PBRM1: variants seen among roughly 807,000 people sequenced by gnomAD.
PBRM1 encodes protein polybromo-1.
In PBRM1, 27 loss-of-function variants were observed where a neutral mutation model predicts 194.5. That is an observed-to-expected ratio of 0.14 (90% CI 0.10 to 0.19). The LOEUF (loss-of-function observed/expected upper bound fraction) is 0.19, where lower values mean the gene tolerates loss of function less well. Ranked by LOEUF, PBRM1 falls within the 10% of genes least tolerant of loss-of-function variation. The pLI is 1.00. For synonymous variants in PBRM1, 655 were observed against 693.2 expected (o/e 0.94, Z 0.87); for missense variants, 1,466 against 2,077.2 (o/e 0.71, Z 5.72).
intron 12 of PBRM1, among the ~76,000 whole-genome samples, chr3:52,628,120 A>C (rs1201313195): frequency 6.6e-6 from 1 of 152,156 alleles, no homozygotes; most frequent in Non-Finnish European, 1.5e-5. Flanking sequence ...GGATCTGATA[A>C]ATTCATAGAC....
At chr3:52,591,289 T>G (rs192513815) in intron 17 of PBRM1, among the ~76,000 whole-genome samples, 1 of 152,146 alleles carries the variant, frequency 6.6e-6, no homozygotes, top group African/African-American at 2.4e-5. Flanking sequence ...CTTCCAGTAC[T>G]ATGTTGAATA....
chr3:52,578,130 T>C (rs545885135), intron 21 of PBRM1, among the ~76,000 whole-genome samples: 3 of 152,278 alleles, frequency 2.0e-5, no homozygotes, highest in South Asian at 4.1e-4. Context: ...TCTTCAAGTG[T>C]TGGTTCAGCT....
chr3:52,580,220 A>G (rs1364971049), intron 20 of PBRM1, among the ~76,000 whole-genome samples: 1 of 152,172 alleles, frequency 6.6e-6, no homozygotes, highest in Non-Finnish European at 1.5e-5. Context: ...AGCCTGGGAA[A>G]CAGAATGAGA....
intron 21 of PBRM1, among the ~76,000 whole-genome samples, chr3:52,577,490 G>C (rs924493946): frequency 6.9e-6 from 1 of 144,356 alleles, no homozygotes; most frequent in African/African-American, 2.6e-5. Flanking sequence ...AGAATTTGAT[G>C]AAAGCCATTA....
At chr3:52,576,406 C>A in intron 22 of PBRM1, 135 bp downstream of exon 24, 1 of 529,186 alleles carries the variant, frequency 1.9e-6, no homozygotes. Flanking sequence ...CAATCTCTGC[C>A]CCAACATAAG....
At chr3:52,657,533 G>C (rs576646944) in intron 5 of PBRM1, among the ~76,000 whole-genome samples, 2 of 150,916 alleles carry the variant, frequency 1.3e-5, no homozygotes, top group Non-Finnish European at 3.0e-5. Flanking sequence ...GCAACGGCAT[G>C]ATGTCAGCTC....
chr3:52,602,893 CGGA>C (rs1392041415), intron 17 of PBRM1, among the ~76,000 whole-genome samples: 3 of 152,050 alleles, frequency 2.0e-5, no homozygotes, highest in Non-Finnish European at 2.9e-5. Context: ...AAAAAATCTA[CGGA>C]GGAGATTTGA....
chr3:52,590,047 C>T (rs1387684878), intron 17 of PBRM1, among the ~76,000 whole-genome samples: 2 of 151,902 alleles, frequency 1.3e-5, no homozygotes, highest in African/African-American at 2.4e-5. Flanking sequence ...AGGCTGGTCT[C>T]GATCTCTCGA....
chr3:52,582,837 C>T (rs2091583111), intron 20 of PBRM1, among the ~76,000 whole-genome samples: 1 of 151,970 alleles, frequency 6.6e-6, no homozygotes, highest in Non-Finnish European at 1.5e-5. Context: ...GTGGCTCACG[C>T]CTGTAATCCC....
At chr3:52,664,840 TTAC>T (rs1220388879) in intron 3 of PBRM1, among the ~76,000 whole-genome samples, 2 of 150,542 alleles carry the variant, frequency 1.3e-5, no homozygotes, top group African/African-American at 2.4e-5. Flanking sequence ...CCAATCAGAG[TTAC>T]TACAAGAACA....
At chr3:52,678,225 C>T (rs1415035632) in intron 2 of PBRM1, among the ~76,000 whole-genome samples, 2 of 152,044 alleles carry the variant, frequency 1.3e-5, no homozygotes, top group Non-Finnish European at 2.9e-5. Flanking sequence ...CCTTAGTCTC[C>T]CATGTAGCTG....
chr3:52,637,873 G>A (rs1019408376), intron 10 of PBRM1, among the ~76,000 whole-genome samples: 2 of 151,132 alleles, frequency 1.3e-5, no homozygotes, highest in African/African-American at 4.9e-5. Context: ...TTGAACCTGG[G>A]AGGCAGAGGT....
intron 15 of PBRM1, among the ~76,000 whole-genome samples, chr3:52,614,373 C>CAA (rs1165930996): frequency 0.35 from 14,510 of 40,916 alleles, 2,993 homozygotes; most frequent in Non-Finnish European, 0.44. Context: ...GATGCTTCAT[C>CAA]AAAAAAAAAA....
chr3:52,623,775 G>T (rs1252917759), intron 13 of PBRM1, among the ~76,000 whole-genome samples: 1 of 152,154 alleles, frequency 6.6e-6, no homozygotes, highest in Non-Finnish European at 1.5e-5. Context: ...GAGCTAATAA[G>T]AACAGCTGGG....
At chr3:52,585,082 TC>T (rs905704824) in intron 20 of PBRM1, among the ~76,000 whole-genome samples, 14 of 152,342 alleles carry the variant, frequency 9.2e-5, no homozygotes, top group Admixed American at 6.5e-4. Flanking sequence ...TAGAATGAAT[TC>T]CCACTTCTTG....
chr3:52,684,501 A>G (rs1488708852), upstream of PBRM1, among the ~76,000 whole-genome samples: 2 of 152,260 alleles, frequency 1.3e-5, no homozygotes, highest in East Asian at 3.8e-4. Context: ...CTCAAAGGAA[A>G]AAAAACACCT....
chr3:52,573,371 G>A (rs1305635257), intron 22 of PBRM1, among the ~76,000 whole-genome samples: 3 of 151,772 alleles, frequency 2.0e-5, no homozygotes. Context: ...TCAGCTCACT[G>A]CAACCTCCAC....
intron 25 of PBRM1, among the ~76,000 whole-genome samples, chr3:52,559,723 G>A (rs2083019613): frequency 1.3e-5 from 2 of 152,038 alleles, no homozygotes; most frequent in Admixed American, 1.3e-4. Context: ...AAGGCCTCTT[G>A]GCTGTGACAG....
At chr3:52,628,958 T>C (rs1438786040) in exon 12 of PBRM1, 43 of 1,613,016 alleles carry the variant, frequency 2.7e-5, no homozygotes, top group Non-Finnish European at 3.5e-5. Flanking sequence ...ATTATAGCGT[T>C]TGGCATTTTC....
Sources: allele counts gnomAD v4.1 joint callset (sites outside exome capture counted in the v4.1 genomes callset), GRCh38; gene constraint gnomAD v4.1.1; transcripts MANE v1.5; gene names NCBI Gene and HGNC (gene_info 2026-07-23, HGNC 2026-07-21).